Variants in SNTB2 observed in about 807,000 individuals in gnomAD.
The protein encoded by SNTB2 is beta-2-syntrophin.
Under a neutral mutation model 46.2 loss-of-function variants are expected in SNTB2, and 34 were observed. That is an observed-to-expected ratio of 0.74 (90% CI 0.56 to 0.98). The LOEUF is 0.98. SNTB2 is among the 50% of genes least tolerant of loss of function. The probability of loss-of-function intolerance (pLI) is 0.00; values close to 1 mark genes in which losing one functional copy is unlikely to be tolerated. For missense variants in SNTB2, 603 were observed against 731.4 expected, an observed-to-expected ratio of 0.82 and a Z score of 2.02; for synonymous variants, 290 against 312.6, an observed-to-expected ratio of 0.93 and a Z score of 0.76.
intron 3 of SNTB2, among the ~76,000 whole-genome samples, chr16:69,261,169 G>T (rs1964830841): frequency 6.6e-6 from 1 of 152,036 alleles, no homozygotes; most frequent in Non-Finnish European, 1.5e-5. Flanking sequence ...TGTGTGCAAA[G>T]GGCCAGGGAG....
chr16:69,188,141 T>TAA (rs568605215), intron 1 of SNTB2, among the ~76,000 whole-genome samples: 4 of 140,730 alleles, frequency 2.8e-5, no homozygotes, highest in African/African-American at 7.8e-5. Context: ...GCGGGTCTAT[T>TAA]AAAAAAAAAA....
Position 69,281,293 on chromosome 16 carries a change from G to A in SNTB2, c.1149-2755G>A, listed in dbSNP as rs150645977. Among the ~76,000 whole-genome samples the A allele has an allele frequency of 5.5e-3, 835 of 150,858 alleles. 9 individuals carry two copies. The highest frequency in any genetic ancestry group is 0.027 in the Admixed American group (404 of 15,132). On this transcript the variant is annotated intron_variant, in intron 4 of 6. Transcript: ENST00000336278. ...GTCCCCCAGGCTGGAGTGCAATGGC[G>A]CGATCTCGGCTCACTGCAACCTCCG...
Position 69,245,596 on chromosome 16 carries a change from T to C in SNTB2, c.581-6T>C. 6.2e-7 allele frequency: 1 copy of C among 1,613,602 alleles called. No individual in the cohort carries two copies. Among genetic ancestry groups the C allele is most frequent in the South Asian group, 1.1e-5 (1 of 91,000 alleles). Reference sequence around the variant, plus strand: ...TAACCTTCTTCTTTGATTTTTTTGTTCATAGTCAAGTTCATCCGAGAAGTA... The same window carrying C: ...TAACCTTCTTCTTTGATTTTTTTGTCCATAGTCAAGTTCATCCGAGAAGTA... On this transcript the variant is annotated splice_region_variant and splice_polypyrimidine_tract_variant and intron_variant, in intron 1 of 6. Coordinates refer to ENST00000336278, the MANE Select transcript of SNTB2 (RefSeq NM_006750.4).
chr16:69,232,761 C>T (rs889879889), intron 1 of SNTB2, among the ~76,000 whole-genome samples: 2 of 152,018 alleles, frequency 1.3e-5, no homozygotes, highest in African/African-American at 4.8e-5. Context: ...CCGCCCACCT[C>T]AGCCTCCCAA....
chr16:69,218,252 T>C (rs1292933038), intron 1 of SNTB2, among the ~76,000 whole-genome samples: 1 of 152,184 alleles, frequency 6.6e-6, no homozygotes, highest in Non-Finnish European at 1.5e-5. Context: ...TGGCTGTCAG[T>C]TGCAAGGGCA....
chr16:69,285,709 T>G (rs907421748), intron 5 of SNTB2, among the ~76,000 whole-genome samples: 3 of 151,972 alleles, frequency 2.0e-5, no homozygotes, highest in South Asian at 2.1e-4. Context: ...CAGGCTGGTC[T>G]CAAACTCTTG....
intron 2 of SNTB2, among the ~76,000 whole-genome samples, chr16:69,254,094 C>T (rs1964750812): frequency 6.6e-6 from 1 of 152,028 alleles, no homozygotes; most frequent in Non-Finnish European, 1.5e-5. Flanking sequence ...AATAAATAGT[C>T]CCTCTAGAAA....
chr16:69,282,013 C>T (rs1313426463), intron 4 of SNTB2, among the ~76,000 whole-genome samples: 1 of 147,484 alleles, frequency 6.8e-6, no homozygotes. Flanking sequence ...TCAAGCGATT[C>T]TCCTGCCTCA....
chr16:69,199,881 G>GTT (rs1409014010), intron 1 of SNTB2, among the ~76,000 whole-genome samples: 1 of 151,660 alleles, frequency 6.6e-6, no homozygotes, highest in Non-Finnish European at 1.5e-5. Context: ...TTTAAAAAAT[G>GTT]TTTTATTTTA....
intron 4 of SNTB2, 60 bp downstream of exon 4, chr16:69,270,345 A>G: frequency 6.3e-7 from 1 of 1,593,116 alleles, no homozygotes; most frequent in Non-Finnish European, 8.6e-7. Context: ...CTACAAAAGA[A>G]TTTTAAAGTG....
In SNTB2 at chr16:69,305,779, C is replaced by CTTTTTT; in HGVS notation, c.*4855_*4856insTTTTTT. The CTTTTTT allele has an allele frequency of 6.6e-6, 1 of 150,642 alleles. No homozygotes were observed. Among genetic ancestry groups the CTTTTTT allele is most frequent in the Non-Finnish European group, 1.5e-5 (1 of 67,804 alleles). 9.3% of individuals were successfully genotyped at this position (150,642 alleles called of 1,614,324 possible). ...TGTGGCTTTTTTTTTTTTTTAACCCCACTGAAGATGGAAGTAGAGCAGTCT... is the reference window on the plus strand; with the variant it reads ...TGTGGCTTTTTTTTTTTTTTAACCCCTTTTTTACTGAAGATGGAAGTAGAGCAGTCT... On this transcript the variant is annotated 3_prime_UTR_variant, in exon 7 of 7. Transcript: ENST00000336278.
chr16:69,279,869 ATTT>A (rs1567413506), intron 4 of SNTB2, among the ~76,000 whole-genome samples: 4 of 149,408 alleles, frequency 2.7e-5, no homozygotes, highest in African/African-American at 9.9e-5. Context: ...TAATTAATTA[ATTT>A]ATTTATTTAT....
chr16:69,209,714 A>G (rs1964259685), intron 1 of SNTB2, among the ~76,000 whole-genome samples: 1 of 152,124 alleles, frequency 6.6e-6, no homozygotes, highest in Admixed American at 6.5e-5. Flanking sequence ...TTTGCTCAAG[A>G]TATGTTTTTG....
At chr16:69,299,503 T>G (rs1965259414) in intron 5 of SNTB2, 87 bp from the exon 6 acceptor site, 2 of 1,273,004 alleles carry the variant, frequency 1.6e-6, no homozygotes, top group South Asian at 2.7e-5. Flanking sequence ...AAAATATTTT[T>G]CCTATTTTGA....
intron 1 of SNTB2, among the ~76,000 whole-genome samples, chr16:69,236,076 A>G (rs1964557047): frequency 6.6e-6 from 1 of 152,228 alleles, no homozygotes; most frequent in African/African-American, 2.4e-5. Flanking sequence ...AGGAAAAGTC[A>G]GAGTATACCT....
chr16:69,199,517 C>T (rs961900997), intron 1 of SNTB2, among the ~76,000 whole-genome samples: 2 of 149,078 alleles, frequency 1.3e-5, no homozygotes, highest in African/African-American at 5.0e-5. Context: ...ATCACTTGAG[C>T]CTGGGAGGTG....
At chr16:69,287,863 A>AAT (rs147955492) in intron 5 of SNTB2, among the ~76,000 whole-genome samples, 3,372 of 147,788 alleles carry the variant, frequency 0.023, 94 homozygotes, top group East Asian at 0.16. Flanking sequence ...TGTCTCAAAA[A>AAT]ATATATATAT....
chr16:69,215,831 C>G (rs560490775), intron 1 of SNTB2, among the ~76,000 whole-genome samples: 7 of 152,270 alleles, frequency 4.6e-5, no homozygotes, highest in South Asian at 4.1e-4. Context: ...GATACAGGGT[C>G]CTGATCTGTC....
At chr16:69,299,487 C>G in intron 5 of SNTB2, 103 bp from the exon 6 acceptor site, 1 of 1,166,128 alleles carries the variant, frequency 8.6e-7, no homozygotes, top group Non-Finnish European at 1.2e-6. Context: ...ATCACACATT[C>G]TCAAGAAAAT....
Sources: gnomAD v4.1 joint callset for allele counts (sites outside exome capture counted in the v4.1 genomes callset) on GRCh38, gnomAD v4.1.1 for gene constraint, MANE v1.5 for transcripts, NCBI Gene and HGNC (gene_info 2026-07-23, HGNC 2026-07-21) for gene names.